Variants in MYO9A observed in about 807,000 individuals in gnomAD.
MYO9A encodes myosin IXA, also known as unconventional myosin-IXa.
A neutral mutation model predicts 293.3 loss-of-function variants in MYO9A; 103 were observed. The ratio of observed to expected loss-of-function variants is 0.35; its 90% confidence interval spans 0.30 to 0.41. The LOEUF is 0.41. MYO9A is among the 10% of genes least tolerant of loss of function. MYO9A has a pLI of 1.00. For synonymous variants in MYO9A, 1,001 were observed against 1,035.7 expected, an observed-to-expected ratio of 0.97 and a Z score of 0.64; for missense variants, 2,685 against 3,033.0, an observed-to-expected ratio of 0.89 and a Z score of 2.69.
intron 13 of MYO9A, among the ~76,000 whole-genome samples, chr15:71,962,620 C>T (rs780287585): frequency 2.6e-5 from 4 of 152,170 alleles, no homozygotes; most frequent in Non-Finnish European, 5.9e-5. Context: ...ATGTATTTTA[C>T]GTAACTTATT....
At chr15:72,062,247 G>A (rs976211271) in intron 1 of MYO9A, among the ~76,000 whole-genome samples, 10 of 152,104 alleles carry the variant, frequency 6.6e-5, no homozygotes, top group Non-Finnish European at 1.0e-4. Flanking sequence ...GTACAAAAAA[G>A]CCCAGACAGC....
chr15:72,041,293 C>CAGAAAGTGAACTAGGCAAATAAA, intron 2 of MYO9A: 1 of 912,182 alleles, frequency 1.1e-6, no homozygotes, highest in Non-Finnish European at 1.7e-6. Flanking sequence ...ATTTATTTGC[C>CAGAAAGTGAACTAGGCAAATAAA]TAGTTCACTT....
At chr15:72,100,744 TGAG>T (rs909783704) in intron 1 of MYO9A, among the ~76,000 whole-genome samples, 4 of 148,024 alleles carry the variant, frequency 2.7e-5, no homozygotes, top group Non-Finnish European at 6.0e-5. Flanking sequence ...GTCTGAGAAG[TGAG>T]GAGACCCTCC....
intron 12 of MYO9A, among the ~76,000 whole-genome samples, chr15:71,971,053 C>A (rs1311705121): frequency 1.3e-5 from 2 of 151,566 alleles, no homozygotes; most frequent in East Asian, 3.9e-4. Flanking sequence ...CCCAGCTGCT[C>A]GGGAGGCTGA....
chr15:71,853,214 A>C (rs1202425599), intron 35 of MYO9A, among the ~76,000 whole-genome samples: 10 of 152,244 alleles, frequency 6.6e-5, no homozygotes, highest in African/African-American at 2.4e-4. Context: ...TTGTCCACAG[A>C]CCACACTTTG....
intron 16 of MYO9A, 56 bp downstream of exon 16, chr15:71,938,796 A>G: frequency 7.1e-7 from 1 of 1,416,520 alleles, no homozygotes. Context: ...AATATCAATA[A>G]GAATGTTAGT....
chr15:71,916,388 G>A lies in MYO9A; in HGVS notation c.2667C>T (p.Ser889=). The change falls in exon 19 of 42, where the codon AGC becomes AGT. Residue 889 remains serine, a synonymous_variant. Coordinates refer to ENST00000356056, the MANE Select transcript of MYO9A (RefSeq NM_006901.4). Reference sequence around the variant, plus strand: ...AAATAACCTGAAACTGGGCACTGATGCTGGGAGGTTTTTTCTTCTTGTGTA... The same window carrying A: ...AAATAACCTGAAACTGGGCACTGATACTGGGAGGTTTTTTCTTCTTGTGTA... ...LHLHKKKKPP[S]ISAQFQASLS... 1 of 1,613,146 alleles carries A rather than the reference G, an allele frequency of 6.2e-7. No homozygotes were observed. The highest frequency in any genetic ancestry group is 8.5e-7 in the Non-Finnish European group (1 of 1,179,766).
intron 1 of MYO9A, among the ~76,000 whole-genome samples, chr15:72,100,928 C>T (rs1352747592): frequency 4.8e-5 from 6 of 125,264 alleles, no homozygotes; most frequent in African/African-American, 1.8e-4. Context: ...TGGGGGGGGT[C>T]AGCCCCCCGC....
intron 15 of MYO9A, among the ~76,000 whole-genome samples, chr15:71,945,747 C>A (rs138322063): frequency 6.6e-6 from 1 of 151,848 alleles, no homozygotes; most frequent in African/African-American, 2.4e-5. Context: ...CTTTTTGCAC[C>A]ACCTGTGACC....
Position 71,898,424 on chromosome 15 carries a change from T to C in MYO9A, c.4079A>G (p.Lys1360Arg), listed in dbSNP as rs770358834. Reference protein sequence around the residue: ...DEGDLQFPSPKISSSPKFDSR... With the variant: ...DEGDLQFPSPRISSSPKFDSR... ...ATCAAATTTTGGACTGCTGGATATC[T>C]TAGGTGATGGAAACTGCAAGTCTCC... The change falls in exon 25 of 42, where the codon AAG (lysine) becomes AGG (arginine). Residue 1360 changes from lysine (K) to arginine (R), a missense_variant. Lys to Arg is a conservative substitution (Grantham distance 26). Coordinates refer to ENST00000356056, the MANE Select transcript of MYO9A (RefSeq NM_006901.4). 3.1e-6 allele frequency: 5 copies of C among 1,613,792 alleles called. No homozygotes were observed. The Admixed American group carries it at 8.3e-5, about 27-fold the overall frequency.
intron 18 of MYO9A, among the ~76,000 whole-genome samples, chr15:71,918,106 T>C (rs1477209043): frequency 1.3e-5 from 2 of 152,180 alleles, no homozygotes; most frequent in South Asian, 2.1e-4. Flanking sequence ...TCAATCTCAC[T>C]TGTATTGAAG....
At chr15:72,099,887 G>A (rs2080211180) in intron 1 of MYO9A, among the ~76,000 whole-genome samples, 1 of 124,840 alleles carries the variant, frequency 8.0e-6, no homozygotes, top group African/African-American at 2.9e-5. Flanking sequence ...TCCAGCCTGG[G>A]TGACAGAGCA....
At chr15:71,988,518 T>C (rs2076460391) in intron 11 of MYO9A, among the ~76,000 whole-genome samples, 1 of 152,236 alleles carries the variant, frequency 6.6e-6, no homozygotes, top group African/African-American at 2.4e-5. Context: ...TTTAAAACTT[T>C]AAGCATTCAT....
chr15:72,046,197 A>C lies in MYO9A; in HGVS notation c.367T>G (p.Ser123Ala). 3 of 1,614,092 alleles carry C rather than the reference A, an allele frequency of 1.9e-6. No homozygotes were observed. The South Asian group carries it at 3.3e-5, about 18-fold the overall frequency. Residue 123 changes from serine (S) to alanine (A), a missense_variant, in exon 2 of 42, where the codon TCA becomes GCA. Coordinates refer to ENST00000356056, the MANE Select transcript of MYO9A (RefSeq NM_006901.4). ...CGTTCTTCTGTTACCCGTAGCCATG[A>C]CTGCAGGCTACCATAATGGATTGAT... Reference protein sequence around the residue: ...DGSIHYGSLQSWLRVTEERRR... With the variant: ...DGSIHYGSLQAWLRVTEERRR...
chr15:71,872,912 CTTTT>C (rs951210079), intron 32 of MYO9A, among the ~76,000 whole-genome samples: 1 of 148,526 alleles, frequency 6.7e-6, no homozygotes, highest in Non-Finnish European at 1.5e-5. Context: ...AGCCCTTGTA[CTTTT>C]TTTTTTCTTT....
intron 19 of MYO9A, among the ~76,000 whole-genome samples, chr15:71,906,744 A>G (rs1236040321): frequency 2.2e-5 from 2 of 89,406 alleles, no homozygotes; most frequent in Non-Finnish European, 4.8e-5. Flanking sequence ...CAATCAGATA[A>G]TATCCATTTC....
chr15:71,872,559 T>C (rs576678544), intron 32 of MYO9A, among the ~76,000 whole-genome samples: 32 of 152,198 alleles, frequency 2.1e-4, no homozygotes, highest in Non-Finnish European at 4.0e-4. Flanking sequence ...TTTATTCATG[T>C]AACGAATACT....
Position 72,085,756 on chromosome 15 carries a change from T to C in MYO9A, c.-72+31924A>G, listed in dbSNP as rs567489296. Reference sequence around the variant, plus strand: ...GTTCTTTCTCAACTTTGCGGGCTGATGTTCCTTCAATCTTTGAAGATGCTG... The same window carrying C: ...GTTCTTTCTCAACTTTGCGGGCTGACGTTCCTTCAATCTTTGAAGATGCTG... On this transcript the variant is annotated intron_variant, in intron 1 of 41. Transcript: ENST00000356056. Among the ~76,000 whole-genome samples, 8 of 152,358 alleles carry C rather than the reference T, an allele frequency of 5.3e-5. No homozygotes were observed. The East Asian group carries it at 1.2e-3, about 22-fold the overall frequency.
chr15:71,866,925 C>T (rs35135570), intron 32 of MYO9A, among the ~76,000 whole-genome samples: 2,010 of 152,036 alleles, frequency 0.013, 23 homozygotes, highest in East Asian at 0.024. Context: ...GGCGTGGTGG[C>T]GCACACCTGT....
Sources: allele counts gnomAD v4.1 joint callset (sites outside exome capture counted in the v4.1 genomes callset), GRCh38; gene constraint gnomAD v4.1.1; transcripts MANE v1.5; gene names NCBI Gene and HGNC (gene_info 2026-07-23, HGNC 2026-07-21).